FBXO17: variants seen among roughly 807,000 people sequenced by gnomAD.
FBXO17 encodes F-box protein 17, also known as F-box only protein 17.
A neutral mutation model predicts 34.1 loss-of-function variants in FBXO17; 43 were observed. That is an observed-to-expected ratio of 1.26 (90% CI 0.99 to 1.62). The LOEUF (loss-of-function observed/expected upper bound fraction) is 1.62, where lower values mean the gene tolerates loss of function less well. Ranked by LOEUF, FBXO17 falls within the 40% of genes most tolerant of loss-of-function variation. The pLI is 0.00. For missense variants in FBXO17, 424 were observed against 386.7 expected, an observed-to-expected ratio of 1.10 and a Z score of -0.81; for synonymous variants, 169 against 166.0, an observed-to-expected ratio of 1.02 and a Z score of -0.14.
intron 4 of FBXO17, chr19:38,945,523 T>TG (rs1974967024): frequency 1.2e-5 from 1 of 83,654 alleles, no homozygotes; most frequent in Admixed American, 1.7e-4. Context: ...TGGGTGGTCC[T>TG]GGGGTGGAGC....
intron 1 of FBXO17, among the ~76,000 whole-genome samples, chr19:38,951,759 C>T (rs1327104838): frequency 6.6e-6 from 1 of 150,916 alleles, no homozygotes; most frequent in Non-Finnish European, 1.5e-5. Context: ...AAGTGATTCT[C>T]CTGCCTCAGC....
rs762009050 is a variant in FBXO17, at chr19:38,950,047, G to C, written c.273C>G (p.Phe91Leu). 2 of 1,568,130 alleles carry C rather than the reference G, an allele frequency of 1.3e-6. No homozygotes were observed. Among genetic ancestry groups the C allele is most frequent in the Non-Finnish European group, 1.7e-6 (2 of 1,157,946 alleles). Reference protein sequence around the residue: ...CLPSNEDKEEFPLCALARYCL... With the variant: ...CLPSNEDKEELPLCALARYCL... ...AGTAGCGCGCCAGGGCGCACAGCGG[G>C]AACTCCTCCTTGTCTTCGTTGCTGG... The change falls in exon 2 of 6, where the codon TTC becomes TTG. Residue 91 changes from phenylalanine to leucine, a missense_variant. Phe to Leu is a conservative substitution (Grantham distance 22). Transcript: ENST00000292852.
intron 1 of FBXO17, among the ~76,000 whole-genome samples, chr19:38,958,667 G>A (rs1460783121): frequency 2.0e-5 from 3 of 152,084 alleles, no homozygotes; most frequent in Non-Finnish European, 2.9e-5. Context: ...CAGAGTGACC[G>A]GGGAATGCTA....
At chr19:38,950,470 C>T in intron 1 of FBXO17, 134 bp from the exon 2 acceptor site, 3 of 1,222,550 alleles carry the variant, frequency 2.5e-6, no homozygotes, top group Non-Finnish European at 3.2e-6. Context: ...GACCCATTTC[C>T]CTCTCTGATC....
intron 1 of FBXO17, among the ~76,000 whole-genome samples, chr19:38,963,249 G>A (rs1975276786): frequency 6.6e-6 from 1 of 151,768 alleles, no homozygotes; most frequent in African/African-American, 2.4e-5. Flanking sequence ...CATGGCTTAG[G>A]GTTATTTGTC....
chr19:38,972,316 A>G (rs1402597511), intron 1 of FBXO17, among the ~76,000 whole-genome samples: 1 of 152,136 alleles, frequency 6.6e-6, no homozygotes, highest in East Asian at 1.9e-4. Context: ...AGGCCAAGGC[A>G]GGTGGATCAC....
In FBXO17 at chr19:38,944,815, G is replaced by C; in HGVS notation, c.693+154C>G. ...AAATGAATCGATATGTAAGCGTCTT[G>C]ACACAGGGCTTGGGATGTAAGAAGG... On this transcript the variant is annotated intron_variant, in intron 5 of 5. Coordinates refer to ENST00000292852, the MANE Select transcript of FBXO17 (RefSeq NM_024907.7). 5 of 1,086,062 alleles carry C rather than the reference G, an allele frequency of 4.6e-6. No individual in the cohort carries two copies. The South Asian group carries it at 4.6e-5, about 10-fold the overall frequency. The allele number at this position is 1,086,062 out of a possible 1,614,324, so 67.3% of individuals were successfully genotyped here.
At chr19:38,971,350 A>G (rs1320494423) in intron 1 of FBXO17, among the ~76,000 whole-genome samples, 1 of 152,144 alleles carries the variant, frequency 6.6e-6, no homozygotes, top group African/African-American at 2.4e-5. Flanking sequence ...CAGAGACTAG[A>G]AGAATGTGGG....
chr19:38,948,867 C>T (rs927469577), intron 2 of FBXO17, among the ~76,000 whole-genome samples, 189 bp from the exon 3 acceptor site: 1 of 152,202 alleles, frequency 6.6e-6, no homozygotes, highest in Non-Finnish European at 1.5e-5. Context: ...TGACTCTCAG[C>T]GGTGCCCATC....
At chr19:38,949,941 A>C (rs1600191326) in intron 2 of FBXO17, 30 bp downstream of exon 2, 28 of 1,393,198 alleles carry the variant, frequency 2.0e-5, no homozygotes, top group Middle Eastern at 1.9e-4. Flanking sequence ...GGCCCCCCTC[A>C]GCCTCCTGGG....
In FBXO17 at chr19:38,942,260, C is replaced by CT. The variant is rs35798218; in HGVS notation, c.*347dup. The CT allele has an allele frequency of 0.4, 52,262 of 131,754 alleles. 11,010 individuals carry two copies. Among genetic ancestry groups the CT allele is most frequent in the East Asian group, 0.74 (3,302 of 4,480 alleles). The allele number at this position is 131,754 out of a possible 1,614,324, so 8.2% of individuals were successfully genotyped here. ...TCTGGCTTCTGGCTGCAAAGCTGGT[C>CT]TTTTTTTTTTTTTTTTTCATTGATA... On this transcript the variant is annotated 3_prime_UTR_variant, in exon 6 of 6. Coordinates refer to ENST00000292852, the MANE Select transcript of FBXO17 (RefSeq NM_024907.7).
At chr19:38,970,225 T>C (rs1041892445) in intron 1 of FBXO17, among the ~76,000 whole-genome samples, 7 of 151,896 alleles carry the variant, frequency 4.6e-5, no homozygotes, top group African/African-American at 1.7e-4. Context: ...AATTTTTTTT[T>C]GAGACAGGGT....
At chr19:38,971,643 C>G (rs1975392386) in intron 1 of FBXO17, among the ~76,000 whole-genome samples, 1 of 151,892 alleles carries the variant, frequency 6.6e-6, no homozygotes, top group African/African-American at 2.4e-5. Context: ...AACAATTAGC[C>G]AGGCATGGTG....
rs760133296 is a variant in FBXO17, at chr19:38,950,022, A to G, written c.298T>C (p.Cys100Arg). ...EFPLCALARY[C>R]LRAPFGRNLI... ...TTGCGGCCGAAGGGCGCGCGCAGACAGTAGCGCGCCAGGGCGCACAGCGGG... is the reference window on the plus strand; with the variant it reads ...TTGCGGCCGAAGGGCGCGCGCAGACGGTAGCGCGCCAGGGCGCACAGCGGG... The change falls in exon 2 of 6, where the codon TGT becomes CGT. Residue 100 changes from cysteine to arginine, a missense_variant. Coordinates refer to ENST00000292852, the MANE Select transcript of FBXO17 (RefSeq NM_024907.7). 1.9e-6 allele frequency: 3 copies of G among 1,562,888 alleles called. No individual in the cohort carries two copies. Among genetic ancestry groups the G allele is most frequent in the African/African-American group, 2.7e-5 (2 of 73,380 alleles).
At chr19:38,945,852 G>T in intron 4 of FBXO17, 1 of 186,792 alleles carries the variant, frequency 5.4e-6, no homozygotes. Flanking sequence ...GAGCCTGGGT[G>T]GTCCTGCGGT....
chr19:38,960,662 C>A (rs1350199834), intron 1 of FBXO17, among the ~76,000 whole-genome samples: 1 of 151,618 alleles, frequency 6.6e-6, no homozygotes, highest in Non-Finnish European at 1.5e-5. Flanking sequence ...GTGCGTGCCA[C>A]CCACACCGGC....
At chr19:38,945,154 T>A (rs1292799677) in intron 4 of FBXO17, 50 bp from the exon 5 acceptor site, 7 of 1,607,814 alleles carry the variant, frequency 4.4e-6, no homozygotes, top group Admixed American at 3.4e-5. Context: ...GCCAGCTCTC[T>A]GGGTTTCGGG....
intron 1 of FBXO17, among the ~76,000 whole-genome samples, chr19:38,958,746 T>A (rs538469604): frequency 2.9e-4 from 44 of 152,306 alleles, no homozygotes; most frequent in Admixed American, 1.2e-3. Context: ...AAAGTGGCTA[T>A]GAGAACATTT....
chr19:38,953,956 G>C (rs1975124095), intron 1 of FBXO17, among the ~76,000 whole-genome samples: 1 of 151,930 alleles, frequency 6.6e-6, no homozygotes, highest in Non-Finnish European at 1.5e-5. Flanking sequence ...AAGAAGCCAA[G>C]GGAGAGTGAA....
Sources: gnomAD v4.1 joint callset for allele counts (sites outside exome capture counted in the v4.1 genomes callset) on GRCh38, gnomAD v4.1.1 for gene constraint, MANE v1.5 for transcripts, NCBI Gene and HGNC (gene_info 2026-07-23, HGNC 2026-07-21) for gene names.